The following EML6 variants were observed in gnomAD, a reference collection of about 807,000 sequenced individuals.
EML6 encodes echinoderm microtubule-associated protein-like 6.
Under a neutral mutation model 240.1 loss-of-function variants are expected in EML6, and 154 were observed. The ratio of observed to expected loss-of-function variants is 0.64; its 90% confidence interval spans 0.56 to 0.73. The LOEUF is 0.73. EML6 is among the 30% of genes least tolerant of loss of function. EML6 has a pLI of 0.00. For missense variants in EML6, 2,964 were observed against 2,474.6 expected (o/e 1.20, Z -4.20); for synonymous variants, 1,148 against 899.0 (o/e 1.28, Z -4.95).
chr2:54,739,346 G>T (rs149474230), intron 2 of EML6, among the ~76,000 whole-genome samples: 3 of 152,210 alleles, frequency 2.0e-5, no homozygotes, highest in Admixed American at 1.3e-4. Context: ...AAGGTCGCAG[G>T]TGCTGCTAAC....
At chr2:54,933,313 A>C (rs1430651738) in intron 28 of EML6, among the ~76,000 whole-genome samples, 5 of 152,186 alleles carry the variant, frequency 3.3e-5, no homozygotes, top group African/African-American at 7.2e-5. Context: ...CTAGCAATGT[A>C]ATCACTTCAC....
chr2:54,730,937 C>A (rs1052057228), intron 2 of EML6, among the ~76,000 whole-genome samples: 2 of 152,030 alleles, frequency 1.3e-5, no homozygotes, highest in African/African-American at 4.8e-5. Context: ...AGTGAATGGA[C>A]AAGAAAATAA....
intron 7 of EML6, among the ~76,000 whole-genome samples, chr2:54,831,574 C>T (rs1265314945): frequency 6.6e-6 from 1 of 152,208 alleles, no homozygotes; most frequent in Non-Finnish European, 1.5e-5. Flanking sequence ...GCACATCTGG[C>T]TGGTACACGG....
intron 35 of EML6, among the ~76,000 whole-genome samples, chr2:54,961,184 G>GTTGTTTTTTGTTTTTTTTTTTTTTTTTTT: frequency 1.8e-5 from 1 of 55,424 alleles, no homozygotes; most frequent in Non-Finnish European, 3.2e-5. Context: ...TCAGGAAGTA[G>GTTGTTTTTTGTTTTTTTTTTTTTTTTTTT]TTTTTTTTTT....
intron 21 of EML6, among the ~76,000 whole-genome samples, chr2:54,896,987 G>A (rs141916941): frequency 6.6e-6 from 1 of 152,210 alleles, no homozygotes; most frequent in Non-Finnish European, 1.5e-5. Flanking sequence ...TTGAGGCAAT[G>A]AGGTCTTTGT....
At chr2:54,844,269 C>T in intron 8 of EML6, 21 bp downstream of exon 8, 1 of 1,541,438 alleles carries the variant, frequency 6.5e-7, no homozygotes, top group Non-Finnish European at 8.8e-7. Context: ...ACCGCCGTCA[C>T]CTCTCTGACT....
intron 34 of EML6, among the ~76,000 whole-genome samples, 168 bp from the exon 35 acceptor site, chr2:54,960,052 A>T (rs1676423538): frequency 1.3e-5 from 2 of 152,236 alleles, no homozygotes; most frequent in African/African-American, 4.8e-5. Context: ...GCTTAGCACC[A>T]GGGCCTAAGA....
At chr2:54,872,494 G>C (rs995710001) in intron 16 of EML6, among the ~76,000 whole-genome samples, 3 of 152,074 alleles carry the variant, frequency 2.0e-5, no homozygotes, top group African/African-American at 7.2e-5. Context: ...TAGTCATGCT[G>C]GTCTCTAATT....
chr2:54,955,779 G>C (rs760712357), intron 32 of EML6, among the ~76,000 whole-genome samples: 3 of 152,212 alleles, frequency 2.0e-5, no homozygotes, highest in Non-Finnish European at 4.4e-5. Context: ...GCCTGCTCTT[G>C]TTTGTACAGA....
chr2:54,968,558 C>A, intron 40 of EML6, 110 bp from the exon 41 acceptor site: 1 of 735,620 alleles, frequency 1.4e-6, no homozygotes, highest in African/African-American at 1.7e-5. Context: ...AAATGGAAGT[C>A]CCCAGTGAAG....
chr2:54,918,418 C>T (rs757386164), intron 26 of EML6, among the ~76,000 whole-genome samples: 24 of 152,228 alleles, frequency 1.6e-4, no homozygotes, highest in South Asian at 6.2e-4. Flanking sequence ...GCACGATCAC[C>T]GCTCACTGCA....
chr2:54,761,999 C>G (rs915667737), intron 2 of EML6, among the ~76,000 whole-genome samples: 7 of 152,066 alleles, frequency 4.6e-5, no homozygotes, highest in African/African-American at 1.7e-4. Flanking sequence ...TTAATGTTGA[C>G]ACAATACTGT....
At position 54,834,154 on chromosome 2, in the gene EML6, G is replaced by A. The variant is rs140703989; in HGVS notation, c.847+4677G>A. ...CCCTGGATGTAAGGCGGCGGTGGCGGGGCATGGGGAGAACTCCCTCACTTC... is the reference window on the plus strand; with the variant it reads ...CCCTGGATGTAAGGCGGCGGTGGCGAGGCATGGGGAGAACTCCCTCACTTC... On this transcript the variant is annotated intron_variant, in intron 7 of 41. Transcript: ENST00000356458. Among the ~76,000 whole-genome samples the A allele has an allele frequency of 8.8e-3, 1,343 of 152,214 alleles. 10 individuals are homozygous for A. The highest frequency in any genetic ancestry group is 0.015 in the Non-Finnish European group (998 of 68,014).
intron 9 of EML6, among the ~76,000 whole-genome samples, chr2:54,848,485 C>T (rs1472131197): frequency 6.9e-6 from 1 of 145,620 alleles, no homozygotes; most frequent in Admixed American, 7.1e-5. Context: ...TGGCTGAGTA[C>T]CAGATTTCTT....
chr2:54,903,964 C>T (rs1673187424), intron 24 of EML6, among the ~76,000 whole-genome samples: 1 of 152,192 alleles, frequency 6.6e-6, no homozygotes, highest in Non-Finnish European at 1.5e-5. Flanking sequence ...CCTAAAATTT[C>T]TCTGCTCTAT....
At chr2:54,937,872 C>A (rs1262428332) in intron 28 of EML6, among the ~76,000 whole-genome samples, 1 of 152,178 alleles carries the variant, frequency 6.6e-6, no homozygotes, top group African/African-American at 2.4e-5. Flanking sequence ...TCTCTGACTT[C>A]TACAAGAGTT....
intron 28 of EML6, 39 bp downstream of exon 28, chr2:54,928,790 G>A (rs778943983): frequency 1.3e-6 from 2 of 1,550,922 alleles, no homozygotes; most frequent in South Asian, 1.2e-5. Context: ...TATTATACCT[G>A]ATGACAAGAA....
rs762427679 is a variant in EML6 at position 54,853,663 on chromosome 2, AAAG to A, written c.1471_1473del (p.Glu491del). On this transcript the variant is annotated inframe_deletion, in exon 11 of 42. Coordinates refer to ENST00000356458, the MANE Select transcript of EML6 (RefSeq NM_001039753.4). The stretch of plus-strand genomic sequence containing the variant: ...TTCAGCTGGGAAGCCTTTAACAAGT[AAAG>A]AAGAAATTAAAGGGATTCCTTGGGC... The A allele has an allele frequency of 7.8e-5, 121 of 1,546,204 alleles. No homozygotes were observed. Among genetic ancestry groups the A allele is most frequent in the African/African-American group, 1.1e-4 (8 of 73,020 alleles).
chr2:54,754,998 C>T (rs1572860260), intron 2 of EML6, among the ~76,000 whole-genome samples: 1 of 152,130 alleles, frequency 6.6e-6, no homozygotes, highest in Admixed American at 6.5e-5. Flanking sequence ...ACAATGGATA[C>T]CACAGTTCCA....
Sources: gnomAD v4.1 joint callset for allele counts (sites outside exome capture counted in the v4.1 genomes callset) on GRCh38, gnomAD v4.1.1 for gene constraint, MANE v1.5 for transcripts, NCBI Gene and HGNC (gene_info 2026-07-23, HGNC 2026-07-21) for gene names.